RAPGEF4: variants seen among roughly 807,000 people sequenced by gnomAD.
RAPGEF4 encodes the protein Rap guanine nucleotide exchange factor 4.
In RAPGEF4, 66 loss-of-function variants were observed where a neutral mutation model predicts 147.9. That is an observed-to-expected ratio of 0.45 (90% CI 0.37 to 0.55). The LOEUF (loss-of-function observed/expected upper bound fraction) is 0.55, where lower values mean the gene tolerates loss of function less well. Among genes scored for constraint, RAPGEF4 ranks in the 20% least tolerant of loss-of-function variants. RAPGEF4 has a pLI of 0.00. For missense variants in RAPGEF4, 1,071 were observed against 1,257.3 expected, an observed-to-expected ratio of 0.85 and a Z score of 2.24; for synonymous variants, 419 against 442.7, an observed-to-expected ratio of 0.95 and a Z score of 0.67.
In RAPGEF4 at chr2:173,030,358, A is replaced by G. The variant is rs1384460032; in HGVS notation, c.2649+104A>G. ...AAATATCACTCACACTAGTATAACA[A>G]TGGGAAAGGTGGGACACTTGGAGGG... On this transcript the variant is annotated intron_variant, in intron 26 of 30. Coordinates refer to ENST00000397081, the MANE Select transcript of RAPGEF4 (RefSeq NM_007023.4). 3 of 899,814 alleles carry G rather than the reference A, an allele frequency of 3.3e-6. No individual in the cohort carries two copies. The African/African-American group carries it at 5.0e-5, about 15-fold the overall frequency. The allele number at this position is 899,814 out of a possible 1,614,324, so 55.7% of individuals were successfully genotyped here. A position where few individuals can be genotyped will look rare whatever the true frequency, so the allele number is the denominator to read the frequency against.
intron 8 of RAPGEF4, among the ~76,000 whole-genome samples, chr2:172,963,090 G>A (rs897130098): frequency 6.6e-6 from 1 of 152,064 alleles, no homozygotes; most frequent in African/African-American, 2.4e-5. Context: ...ATAGAGAAGG[G>A]GGTGGTGCCA....
intron 4 of RAPGEF4, among the ~76,000 whole-genome samples, chr2:172,831,170 T>TTCACTAAAC (rs1225963014): frequency 6.6e-6 from 1 of 151,942 alleles, no homozygotes; most frequent in Non-Finnish European, 1.5e-5. Flanking sequence ...ATTTGATTAT[T>TTCACTAAAC]TCACTAAACT....
intron 4 of RAPGEF4, among the ~76,000 whole-genome samples, chr2:172,872,449 A>G (rs1695345463): frequency 6.6e-6 from 1 of 152,098 alleles, no homozygotes; most frequent in Non-Finnish European, 1.5e-5. Context: ...TTGACATCTC[A>G]TCTAAGAGGA....
At chr2:172,888,360 T>C (rs1575142160) in intron 4 of RAPGEF4, among the ~76,000 whole-genome samples, 3 of 152,218 alleles carry the variant, frequency 2.0e-5, no homozygotes, top group African/African-American at 7.2e-5. Flanking sequence ...TCTCAGTCTG[T>C]TGTCCTTTCC....
intron 4 of RAPGEF4, among the ~76,000 whole-genome samples, chr2:172,886,041 A>ACCACCT (rs532489866): frequency 1.3e-5 from 2 of 152,026 alleles, no homozygotes; most frequent in Admixed American, 6.6e-5. Flanking sequence ...GCTCTTCTGC[A>ACCACCT]CCACCTTTCC....
At chr2:172,833,937 T>A (rs1158007629) in intron 4 of RAPGEF4, among the ~76,000 whole-genome samples, 2 of 152,232 alleles carry the variant, frequency 1.3e-5, no homozygotes, top group East Asian at 3.8e-4. Flanking sequence ...GGAAATTATT[T>A]TAATTTATCT....
At chr2:172,810,927 A>G (rs550098391) in intron 3 of RAPGEF4, among the ~76,000 whole-genome samples, 1 of 152,326 alleles carries the variant, frequency 6.6e-6, no homozygotes, top group Non-Finnish European at 1.5e-5. Flanking sequence ...GGATTTGGCT[A>G]CAAGTGGTTT....
At chr2:172,867,702 G>A (rs1203442202) in intron 4 of RAPGEF4, among the ~76,000 whole-genome samples, 1 of 152,172 alleles carries the variant, frequency 6.6e-6, no homozygotes, top group Non-Finnish European at 1.5e-5. Flanking sequence ...TTAAAATGTG[G>A]TGAAAGATAG....
chr2:172,821,559 T>G, intron 4 of RAPGEF4: 1 of 987,018 alleles, frequency 1.0e-6, no homozygotes. Context: ...TGGCTGGTTC[T>G]CTTGTCTCTC....
At chr2:173,013,507 T>C (rs1695216221) in intron 17 of RAPGEF4, among the ~76,000 whole-genome samples, 1 of 152,224 alleles carries the variant, frequency 6.6e-6, no homozygotes, top group Non-Finnish European at 1.5e-5. Context: ...GAGTAAGTTG[T>C]TTTATGAACT....
intron 4 of RAPGEF4, among the ~76,000 whole-genome samples, chr2:172,816,743 G>A (rs757800264): frequency 1.3e-5 from 2 of 152,192 alleles, no homozygotes; most frequent in African/African-American, 4.8e-5. Flanking sequence ...TGGCATAAGT[G>A]TACTGGGGAC....
chr2:172,965,400 T>G (rs1689722271), intron 8 of RAPGEF4, 162 bp from the exon 9 acceptor site: 1 of 793,826 alleles, frequency 1.3e-6, no homozygotes, highest in Non-Finnish European at 2.1e-6. Flanking sequence ...TATTAGCATT[T>G]GAGAACCTGA....
chr2:172,798,575 T>C (rs2149555933), intron 3 of RAPGEF4, among the ~76,000 whole-genome samples: 1 of 152,210 alleles, frequency 6.6e-6, no homozygotes, highest in South Asian at 2.1e-4. Context: ...CCAAAAAAAT[T>C]AAAGAATTAT....
chr2:172,969,310 G>A (rs1405700906), intron 10 of RAPGEF4, among the ~76,000 whole-genome samples: 1 of 152,218 alleles, frequency 6.6e-6, no homozygotes, highest in Non-Finnish European at 1.5e-5. Context: ...CTCCTCCTTG[G>A]AGTTTTCTGT....
At chr2:172,775,899 T>C (rs972981714) in intron 1 of RAPGEF4, among the ~76,000 whole-genome samples, 7 of 152,302 alleles carry the variant, frequency 4.6e-5, no homozygotes, top group African/African-American at 1.7e-4. Context: ...ACTAATACTC[T>C]TTAGCTATAG....
At chr2:172,951,001 T>G (rs2105386543) in intron 6 of RAPGEF4, among the ~76,000 whole-genome samples, 1 of 152,364 alleles carries the variant, frequency 6.6e-6, no homozygotes, top group South Asian at 2.1e-4. Flanking sequence ...ATGAAGAATC[T>G]TAGGTAACAT....
intron 10 of RAPGEF4, among the ~76,000 whole-genome samples, chr2:172,972,078 A>G (rs1237567877): frequency 6.6e-6 from 1 of 150,882 alleles, no homozygotes; most frequent in African/African-American, 2.4e-5. Flanking sequence ...CATAAAGGCA[A>G]AATACTGTGG....
intron 4 of RAPGEF4, chr2:172,859,929 G>T: frequency 1.4e-6 from 1 of 691,800 alleles, no homozygotes. Context: ...GAGGAGGCTC[G>T]GTAGAATAAA....
At chr2:172,826,553 A>T (rs1267432496) in intron 4 of RAPGEF4, among the ~76,000 whole-genome samples, 1 of 152,252 alleles carries the variant, frequency 6.6e-6, no homozygotes, top group African/African-American at 2.4e-5. Flanking sequence ...AAAAGCACAT[A>T]GAACTTAAAA....
Sources: allele counts gnomAD v4.1 joint callset (sites outside exome capture counted in the v4.1 genomes callset), GRCh38; gene constraint gnomAD v4.1.1; transcripts MANE v1.5; gene names NCBI Gene and HGNC (gene_info 2026-07-23, HGNC 2026-07-21).